Variants in MAP4K4 observed in about 807,000 individuals in gnomAD.
MAP4K4 encodes mitogen-activated protein kinase kinase kinase kinase 4, also known as HPK/GCK-like kinase HGK.
In MAP4K4, 38 loss-of-function variants were observed where a neutral mutation model predicts 189.6. The observed-to-expected ratio is 0.20, with a 90% CI of 0.15 to 0.26. The LOEUF is 0.26. Among genes scored for constraint, MAP4K4 ranks in the 10% least tolerant of loss-of-function variants. The pLI is 1.00. For missense variants in MAP4K4, 1,054 were observed against 1,726.9 expected (o/e 0.61, Z 6.91); for synonymous variants, 610 against 624.3 (o/e 0.98, Z 0.34).
chr2:101,804,440 T>A (rs978792079), intron 3 of MAP4K4, among the ~76,000 whole-genome samples: 3 of 152,106 alleles, frequency 2.0e-5, no homozygotes, highest in Admixed American at 1.3e-4. Context: ...GAGTGCAAAT[T>A]CTGCCTAGAT....
intron 2 of MAP4K4, among the ~76,000 whole-genome samples, chr2:101,746,214 C>G (rs116616839): frequency 1.5e-4 from 23 of 151,658 alleles, no homozygotes; most frequent in African/African-American, 5.3e-4. Context: ...TCTTCAACTC[C>G]TGGGCTCAAG....
chr2:101,716,686 A>G (rs528973709), intron 2 of MAP4K4, among the ~76,000 whole-genome samples: 1 of 152,154 alleles, frequency 6.6e-6, no homozygotes, highest in South Asian at 2.1e-4. Flanking sequence ...TAGGTCAGTA[A>G]TTTGGACTGG....
intron 12 of MAP4K4, among the ~76,000 whole-genome samples, chr2:101,850,647 T>A (rs922523573): frequency 2.0e-5 from 3 of 152,236 alleles, no homozygotes; most frequent in African/African-American, 7.2e-5. Flanking sequence ...TGTCCTGGCA[T>A]GCCAGTGCCC....
intron 3 of MAP4K4, among the ~76,000 whole-genome samples, chr2:101,799,742 C>T (rs1311540553): frequency 6.6e-6 from 1 of 152,070 alleles, no homozygotes; most frequent in Non-Finnish European, 1.5e-5. Flanking sequence ...GGTGGGACTA[C>T]AGATGTGTGA....
At chr2:101,880,011 A>G (rs554154148) in intron 27 of MAP4K4, among the ~76,000 whole-genome samples, 1 of 152,142 alleles carries the variant, frequency 6.6e-6, no homozygotes, top group Admixed American at 6.5e-5. Context: ...TATTTCTTCT[A>G]TCTTTAATCC....
At chr2:101,723,180 T>C (rs2053233592) in intron 2 of MAP4K4, among the ~76,000 whole-genome samples, 1 of 152,204 alleles carries the variant, frequency 6.6e-6, no homozygotes, top group Non-Finnish European at 1.5e-5. Context: ...CAGTTACCTC[T>C]ACCTGGTCTC....
At chr2:101,805,916 T>A (rs913459247) in intron 3 of MAP4K4, among the ~76,000 whole-genome samples, 2 of 152,208 alleles carry the variant, frequency 1.3e-5, no homozygotes, top group Non-Finnish European at 2.9e-5. Context: ...GGTTGTCTAC[T>A]TTCCTACCGA....
exon 15 of MAP4K4, chr2:101,859,648 C>T (rs1233086110): frequency 1.9e-6 from 3 of 1,602,974 alleles, no homozygotes; most frequent in Non-Finnish European, 1.7e-6. Flanking sequence ...CCAAGGAGTG[C>T]CGATGGCGGG....
intron 2 of MAP4K4, among the ~76,000 whole-genome samples, chr2:101,701,089 A>G (rs2038363827): frequency 6.6e-6 from 1 of 152,188 alleles, no homozygotes; most frequent in African/African-American, 2.4e-5. Context: ...ATTTATAAAA[A>G]GGTCTTTATT....
At position 101,860,485 on chromosome 2, in the gene MAP4K4, C is replaced by T. The variant is rs183966651; in HGVS notation, c.1705-340C>T. On this transcript the variant is annotated intron_variant, in intron 15 of 32. Coordinates refer to ENST00000324219, the Ensembl canonical transcript of MAP4K4. ...TATATTTGGTGGAGTGAAATGCATT[C>T]CGGATTTCTGATGATAGTTTTTTAG... 489 of 193,290 alleles carry T rather than the reference C, an allele frequency of 2.5e-3. 3 individuals carry two copies. The highest frequency in any genetic ancestry group is 0.011 in the African/African-American group (449 of 42,690). The allele number at this position is 193,290 out of a possible 1,614,324, so 12.0% of individuals were successfully genotyped here.
At chr2:101,878,955 T>A (rs1166088979) in intron 27 of MAP4K4, among the ~76,000 whole-genome samples, 1 of 152,174 alleles carries the variant, frequency 6.6e-6, no homozygotes, top group African/African-American at 2.4e-5. Context: ...ACTAGAGTGC[T>A]GATGGATGGT....
At chr2:101,850,843 A>G (rs1248711278) in intron 12 of MAP4K4, among the ~76,000 whole-genome samples, 1 of 152,038 alleles carries the variant, frequency 6.6e-6, no homozygotes, top group Non-Finnish European at 1.5e-5. Context: ...TTTATTACCT[A>G]AAGATGGGGA....
chr2:101,868,081 G>A (rs757051309), intron 21 of MAP4K4, 44 bp downstream of exon 21: 46 of 1,603,454 alleles, frequency 2.9e-5, no homozygotes, highest in Admixed American at 1.2e-4. Flanking sequence ...GCAGCACTCC[G>A]ACCGCCTGTC....
At position 101,806,978 on chromosome 2, in the gene MAP4K4, C is replaced by A. The variant is rs186089391; in HGVS notation, c.180+16202C>A. On this transcript the variant is annotated intron_variant, in intron 3 of 32. Transcript: ENST00000324219. ...GCCCTGGCGATTCTGTGTGGTTGGGCACGTGTGGAGTAGTGTTGGTTCATA... is the reference window on the plus strand; with the variant it reads ...GCCCTGGCGATTCTGTGTGGTTGGGAACGTGTGGAGTAGTGTTGGTTCATA... 1.8e-4 allele frequency among the ~76,000 whole-genome samples: 28 copies of A among 152,108 alleles called. No individual in the cohort carries two copies. In the East Asian group the frequency reaches 5.0e-3, roughly 27 times the overall value.
rs182290429 is a variant in MAP4K4, at chr2:101,728,131, T to C, written c.123+29593T>C. Among the ~76,000 whole-genome samples, 42 of 152,352 alleles carry C rather than the reference T, an allele frequency of 2.8e-4. 1 individual carries two copies. Among genetic ancestry groups the C allele is most frequent in the Admixed American group, 9.1e-4 (14 of 15,308 alleles). ...ACAGGCTAAGTAAGTAATCTCCCTATTTCCCAGTCTAGAATGCTCTTGAAG... is the reference window on the plus strand; with the variant it reads ...ACAGGCTAAGTAAGTAATCTCCCTACTTCCCAGTCTAGAATGCTCTTGAAG... On this transcript the variant is annotated intron_variant, in intron 2 of 32. Transcript: ENST00000324219.
chr2:101,808,360 C>G (rs922958354), intron 3 of MAP4K4, among the ~76,000 whole-genome samples: 1 of 152,146 alleles, frequency 6.6e-6, no homozygotes, highest in Non-Finnish European at 1.5e-5. Flanking sequence ...CTCTTAACAC[C>G]GAAGAATTCA....
chr2:101,777,573 C>T (rs113704888), intron 2 of MAP4K4, among the ~76,000 whole-genome samples: 6 of 152,332 alleles, frequency 3.9e-5, no homozygotes, highest in Non-Finnish European at 7.4e-5. Flanking sequence ...TCAGAGAAAC[C>T]TCCCTGACCA....
chr2:101,889,037 A>G, intron 32 of MAP4K4, 102 bp downstream of exon 32: 1 of 1,121,024 alleles, frequency 8.9e-7, no homozygotes, highest in Non-Finnish European at 1.2e-6. Flanking sequence ...TTTGATAAAA[A>G]TAATCAAGGA....
intron 3 of MAP4K4, among the ~76,000 whole-genome samples, chr2:101,817,894 G>T (rs1285095705): frequency 2.6e-5 from 4 of 151,970 alleles, no homozygotes; most frequent in African/African-American, 4.8e-5. Context: ...GATCTTGGGG[G>T]GTGCGGATTA....
Sources: gnomAD v4.1 joint callset for allele counts (sites outside exome capture counted in the v4.1 genomes callset) on GRCh38, gnomAD v4.1.1 for gene constraint, MANE v1.5 for transcripts, NCBI Gene and HGNC (gene_info 2026-07-23, HGNC 2026-07-21) for gene names.